PTPRE: variants seen among roughly 807,000 people sequenced by gnomAD.
The protein encoded by PTPRE is protein tyrosine phosphatase receptor type E.
PTPRE carries 51 observed loss-of-function variants against 102.0 expected under a neutral mutation model. The observed-to-expected ratio is 0.50, with a 90% CI of 0.40 to 0.63. The LOEUF is 0.63. PTPRE is among the 30% of genes least tolerant of loss of function. The pLI, the probability that PTPRE is intolerant of heterozygous loss-of-function variation, is 0.00. For synonymous variants in PTPRE, 345 were observed against 348.2 expected (o/e 0.99, Z 0.10); for missense variants, 752 against 915.1 (o/e 0.82, Z 2.30).
chr10:128,073,224 G>A, intron 16 of PTPRE, 113 bp from the exon 17 acceptor site: 5 of 1,438,304 alleles, frequency 3.5e-6, no homozygotes, highest in East Asian at 2.3e-5. Flanking sequence ...GCAGACCATG[G>A]AGGATGAGAG....
chr10:128,035,757 A>G (rs1462537872), intron 2 of PTPRE, among the ~76,000 whole-genome samples: 1 of 152,198 alleles, frequency 6.6e-6, no homozygotes, highest in African/African-American at 2.4e-5. Context: ...CGGGTTTGGT[A>G]GGGCCAGAGG....
At chr10:127,930,396 T>G (rs1847343095) in intron 1 of PTPRE, among the ~76,000 whole-genome samples, 1 of 152,236 alleles carries the variant, frequency 6.6e-6, no homozygotes, top group Non-Finnish European at 1.5e-5. Context: ...TGAGTCTGGC[T>G]TCTTTCACTT....
At chr10:128,026,691 G>T (rs1363990866) in intron 2 of PTPRE, among the ~76,000 whole-genome samples, 1 of 152,150 alleles carries the variant, frequency 6.6e-6, no homozygotes, top group Non-Finnish European at 1.5e-5. Flanking sequence ...AATTACTTTT[G>T]TTCAAAACAT....
At chr10:127,969,046 G>C (rs1318381586) in intron 1 of PTPRE, among the ~76,000 whole-genome samples, 3 of 152,166 alleles carry the variant, frequency 2.0e-5, no homozygotes, top group Non-Finnish European at 4.4e-5. Flanking sequence ...TCCAACAATG[G>C]TTTTCACCCC....
Position 128,083,749 on chromosome 10 carries a change from C to T in PTPRE, c.*843C>T, listed in dbSNP as rs926601757. ...CTCCCCTCCCGTTCTGCCACAGCGG[C>T]CTGGGCTGGTCCAGTGCTATGCCTG... On this transcript the variant is annotated 3_prime_UTR_variant, in exon 21 of 21. Transcript: ENST00000254667. 2.0e-5 allele frequency: 3 copies of T among 152,456 alleles called. No homozygotes were observed. Among genetic ancestry groups the T allele is most frequent in the Non-Finnish European group, 2.9e-5 (2 of 68,236 alleles). The allele number at this position is 152,456 out of a possible 1,614,324, so 9.4% of individuals were successfully genotyped here. A position where few individuals can be genotyped will look rare whatever the true frequency, so the allele number is the denominator to read the frequency against.
In PTPRE at chr10:127,907,853, T is replaced by TGCA. The variant is rs1359416862; in HGVS notation, c.-31+550_-31+552dup. On this transcript the variant is annotated intron_variant, in intron 1 of 20. Coordinates refer to ENST00000254667, the MANE Select transcript of PTPRE (RefSeq NM_006504.6). The surrounding 1 kb of genome is among the most constrained non-coding windows in gnomAD (Gnocchi z 4.8). ...TCCCAGGGAGGCAGGTGGAGCGGGA[T>TGCA]GCAGCAGCCGCCGGGGGTCGGAGAT... Among the ~76,000 whole-genome samples the TGCA allele has an allele frequency of 1.3e-5, 2 of 152,190 alleles. No homozygotes were observed. The highest frequency in any genetic ancestry group is 6.5e-5 in the Admixed American group (1 of 15,286).
chr10:127,958,733 C>T (rs973559368), intron 1 of PTPRE, among the ~76,000 whole-genome samples: 1 of 152,058 alleles, frequency 6.6e-6, no homozygotes, highest in African/African-American at 2.4e-5. Flanking sequence ...CCCTATGCTT[C>T]TATCTTTTGG....
intron 2 of PTPRE, among the ~76,000 whole-genome samples, chr10:127,997,449 G>A (rs370301078): frequency 6.6e-6 from 1 of 152,220 alleles, no homozygotes; most frequent in African/African-American, 2.4e-5. Flanking sequence ...GACCAGCGTC[G>A]TGGAGTTCAA....
intron 10 of PTPRE, among the ~76,000 whole-genome samples, chr10:128,065,134 G>T (rs950717790): frequency 4.2e-5 from 5 of 119,794 alleles, no homozygotes; most frequent in Non-Finnish European, 7.9e-5. Context: ...CCGGAGCCAG[G>T]TGTAAGGAGG....
chr10:127,934,387 G>C (rs1847676707), intron 1 of PTPRE: 1 of 152,158 alleles, frequency 6.6e-6, no homozygotes, highest in Non-Finnish European at 1.5e-5. Context: ...TGCCTTTTGG[G>C]ACATGGCTTT....
chr10:127,986,635 A>G (rs143305220), intron 2 of PTPRE, among the ~76,000 whole-genome samples: 1 of 152,282 alleles, frequency 6.6e-6, no homozygotes, highest in African/African-American at 2.4e-5. Context: ...GTCACTTTTA[A>G]GAAGTGTGAT....
intron 17 of PTPRE, among the ~76,000 whole-genome samples, chr10:128,074,837 C>T (rs1201568444): frequency 1.3e-5 from 2 of 152,234 alleles, no homozygotes; most frequent in East Asian, 3.9e-4. Context: ...GAGGACCTGC[C>T]AGACTGTTTT....
intron 7 of PTPRE, among the ~76,000 whole-genome samples, chr10:128,060,205 C>T (rs1849438341): frequency 6.6e-6 from 1 of 150,730 alleles, no homozygotes; most frequent in African/African-American, 2.4e-5. Context: ...ATGCACCATA[C>T]ACACCACACA....
At chr10:128,002,029 C>T (rs993850693) in intron 2 of PTPRE, among the ~76,000 whole-genome samples, 3 of 152,198 alleles carry the variant, frequency 2.0e-5, no homozygotes, top group Non-Finnish European at 4.4e-5. Flanking sequence ...GCTGGCTCTG[C>T]TCGTACTTGG....
chr10:127,984,465 T>C (rs1851914362), intron 2 of PTPRE, among the ~76,000 whole-genome samples: 1 of 152,162 alleles, frequency 6.6e-6, no homozygotes, highest in Non-Finnish European at 1.5e-5. Context: ...ATTCCAGAAA[T>C]CTTTCTCTTG....
chr10:128,004,954 G>A (rs1269938812), intron 2 of PTPRE, among the ~76,000 whole-genome samples: 3 of 151,974 alleles, frequency 2.0e-5, no homozygotes, highest in Non-Finnish European at 2.9e-5. Context: ...AGTGGAGTGT[G>A]ATTATGGTTT....
chr10:128,017,129 G>T (rs115784807), intron 2 of PTPRE, among the ~76,000 whole-genome samples: 1 of 152,086 alleles, frequency 6.6e-6, no homozygotes, highest in African/African-American at 2.4e-5. Context: ...AGTGAGCAGC[G>T]TGGGCCAGGC....
At chr10:128,017,880 C>T (rs1845563433) in intron 2 of PTPRE, among the ~76,000 whole-genome samples, 1 of 152,196 alleles carries the variant, frequency 6.6e-6, no homozygotes, top group Admixed American at 6.5e-5. Context: ...ATCCACTGGG[C>T]GTCCTTCCAC....
chr10:128,074,666 CAAA>C lies in PTPRE; in HGVS notation c.1599+1208_1599+1210del, dbSNP rs34362431. The stretch of plus-strand genomic sequence containing the variant: ...TGGGGGACAGAACAAGACTCTGTCT[CAAA>C]AAAAAAAAAAAAGTTTCTTGAACAT... On this transcript the variant is annotated intron_variant, in intron 17 of 20. Coordinates refer to ENST00000254667, the MANE Select transcript of PTPRE (RefSeq NM_006504.6). Among the ~76,000 whole-genome samples, 48 of 133,412 alleles carry C rather than the reference CAAA, an allele frequency of 3.6e-4. No homozygotes were observed. The South Asian group carries it at 7.2e-3, about 20-fold the overall frequency. The allele number at this position is 133,412 out of a possible 152,430, so 87.5% of individuals were successfully genotyped here.
Sources: allele counts gnomAD v4.1 joint callset (sites outside exome capture counted in the v4.1 genomes callset), GRCh38; gene constraint gnomAD v4.1.1; non-coding constraint Gnocchi (gnomAD v3.1); transcripts MANE v1.5; gene names NCBI Gene and HGNC (gene_info 2026-07-23, HGNC 2026-07-21).